Variants in CNTN4 observed in about 807,000 individuals in gnomAD.
CNTN4 encodes contactin 4.
In CNTN4, 77 loss-of-function variants were observed where a neutral mutation model predicts 122.5. That is an observed-to-expected ratio of 0.63 (90% CI 0.52 to 0.76). The LOEUF is 0.76. CNTN4 is among the 30% of genes least tolerant of loss of function. The probability of loss-of-function intolerance (pLI) is 0.00; values close to 1 mark genes in which losing one functional copy is unlikely to be tolerated. For synonymous variants in CNTN4, 512 were observed against 447.0 expected (o/e 1.15, Z -1.83); for missense variants, 1,256 against 1,259.1 (o/e 1.00, Z 0.04).
At chr3:2,309,871 T>C (rs999405721) in intron 2 of CNTN4, among the ~76,000 whole-genome samples, 10 of 152,212 alleles carry the variant, frequency 6.6e-5, no homozygotes, top group African/African-American at 2.4e-4. Context: ...AGCTCAATTC[T>C]GGCATGCTTG....
chr3:2,183,742 C>G (rs1337898383), intron 2 of CNTN4, among the ~76,000 whole-genome samples: 2 of 152,148 alleles, frequency 1.3e-5, no homozygotes, highest in Non-Finnish European at 2.9e-5. Context: ...AATGGTTATG[C>G]ACCCAAAGCC....
chr3:2,184,109 C>A lies in CNTN4; in HGVS notation c.-145+83470C>A, dbSNP rs569772639. On this transcript the variant is annotated intron_variant, in intron 2 of 24. Transcript: ENST00000418658. ...GCCTCAGCTTCCTGAGTAGCTGGGACCACTATCACACACCATCACACGTGG... is the reference window on the plus strand; with the variant it reads ...GCCTCAGCTTCCTGAGTAGCTGGGAACACTATCACACACCATCACACGTGG... 2.6e-5 allele frequency among the ~76,000 whole-genome samples: 4 copies of A among 152,080 alleles called. No individual in the cohort carries two copies. The South Asian group carries it at 8.3e-4, about 32-fold the overall frequency.
chr3:2,247,127 T>C (rs2040188086), intron 2 of CNTN4, among the ~76,000 whole-genome samples: 4 of 152,038 alleles, frequency 2.6e-5, no homozygotes, highest in Admixed American at 1.3e-4. Flanking sequence ...GAGATTTGCA[T>C]GGATGCCTTT....
At chr3:2,813,118 C>A (rs982931025) in intron 6 of CNTN4, among the ~76,000 whole-genome samples, 1 of 152,168 alleles carries the variant, frequency 6.6e-6, no homozygotes, top group Non-Finnish European at 1.5e-5. Flanking sequence ...ACACAGGGAG[C>A]AAATGGCAGA....
At chr3:2,359,433 C>T (rs1296298377) in intron 3 of CNTN4, among the ~76,000 whole-genome samples, 1 of 152,148 alleles carries the variant, frequency 6.6e-6, no homozygotes, top group Non-Finnish European at 1.5e-5. Flanking sequence ...GTTACATAAA[C>T]ATGGAGGGAT....
chr3:2,347,890 T>A (rs2044464406), intron 3 of CNTN4, among the ~76,000 whole-genome samples: 1 of 152,118 alleles, frequency 6.6e-6, no homozygotes, highest in South Asian at 2.1e-4. Flanking sequence ...TTATCATGGA[T>A]TCAGTTCCTT....
At chr3:2,360,766 G>A (rs904120712) in intron 3 of CNTN4, among the ~76,000 whole-genome samples, 2 of 152,050 alleles carry the variant, frequency 1.3e-5, no homozygotes, top group African/African-American at 4.8e-5. Flanking sequence ...GAACAGCATG[G>A]GGAAAACCAC....
chr3:2,325,751 A>C (rs1323088855), intron 2 of CNTN4, among the ~76,000 whole-genome samples: 1 of 152,230 alleles, frequency 6.6e-6, no homozygotes, highest in Non-Finnish European at 1.5e-5. Flanking sequence ...ATTTTTATTT[A>C]TATATTTTAT....
intron 2 of CNTN4, among the ~76,000 whole-genome samples, chr3:2,186,823 A>G (rs1157141159): frequency 1.3e-5 from 2 of 152,164 alleles, no homozygotes; most frequent in African/African-American, 2.4e-5. Flanking sequence ...GATTCTGGAT[A>G]TTAGCCTTTG....
chr3:2,742,282 A>G (rs963258149), intron 5 of CNTN4, among the ~76,000 whole-genome samples: 1 of 152,050 alleles, frequency 6.6e-6, no homozygotes, highest in East Asian at 1.9e-4. Context: ...CCTGCCCCTC[A>G]ATTTTGAAAG....
chr3:2,178,940 C>T lies in CNTN4; in HGVS notation c.-145+78301C>T, dbSNP rs116514947. On this transcript the variant is annotated intron_variant, in intron 2 of 24. Coordinates refer to ENST00000418658, the MANE Select transcript of CNTN4 (RefSeq NM_175607.3). Reference sequence around the variant, plus strand: ...CTGCAAATAGCAGACACAGAGCATCCTTTAGGTTGGAACTGAGTAAAGTAG... The same window carrying T: ...CTGCAAATAGCAGACACAGAGCATCTTTTAGGTTGGAACTGAGTAAAGTAG... 2.0e-3 allele frequency among the ~76,000 whole-genome samples: 299 copies of T among 152,076 alleles called. 2 individuals carry two copies. Among genetic ancestry groups the T allele is most frequent in the African/African-American group, 6.8e-3 (284 of 41,528 alleles).
chr3:2,924,624 C>A (rs1487555333), intron 12 of CNTN4, among the ~76,000 whole-genome samples: 1 of 152,122 alleles, frequency 6.6e-6, no homozygotes, highest in East Asian at 1.9e-4. Flanking sequence ...AAATAATTCT[C>A]TGATAGTATT....
At chr3:2,329,570 CA>C (rs2043630961) in intron 2 of CNTN4, among the ~76,000 whole-genome samples, 1 of 152,180 alleles carries the variant, frequency 6.6e-6, no homozygotes, top group Non-Finnish European at 1.5e-5. Flanking sequence ...ACTCAAATGG[CA>C]ATCACCAGGA....
chr3:2,689,420 T>C (rs2149175655), intron 4 of CNTN4, among the ~76,000 whole-genome samples: 1 of 152,232 alleles, frequency 6.6e-6, no homozygotes, highest in East Asian at 1.9e-4. Context: ...AGGGAGCATT[T>C]TGGCTCCATG....
chr3:2,801,354 C>T (rs1432060927), intron 6 of CNTN4, among the ~76,000 whole-genome samples: 1 of 152,214 alleles, frequency 6.6e-6, no homozygotes, highest in African/African-American at 2.4e-5. Context: ...TGTACTTCAG[C>T]TCACTCAAGC....
At chr3:2,939,459 G>A (rs1289486758) in intron 13 of CNTN4, among the ~76,000 whole-genome samples, 1 of 152,078 alleles carries the variant, frequency 6.6e-6, no homozygotes, top group Non-Finnish European at 1.5e-5. Flanking sequence ...TAATTCAGCT[G>A]TCCTTCCCAC....
At chr3:2,111,166 C>G (rs1283923828) in intron 2 of CNTN4, among the ~76,000 whole-genome samples, 2 of 152,108 alleles carry the variant, frequency 1.3e-5, no homozygotes, top group Non-Finnish European at 2.9e-5. Flanking sequence ...ATTCCCGATA[C>G]CAAAACAATT....
At chr3:2,989,703 A>T (rs1012715484) in intron 14 of CNTN4, among the ~76,000 whole-genome samples, 1 of 152,246 alleles carries the variant, frequency 6.6e-6, no homozygotes, top group African/African-American at 2.4e-5. Context: ...GAGCACTAGC[A>T]TCAGTGTATG....
rs898248577 is a variant in CNTN4 at position 2,432,756 on chromosome 3, T to C, written c.-89+93523T>C. The stretch of plus-strand genomic sequence containing the variant: ...AAGATTGCTTTCATATTTTAGCTCT[T>C]GTGAATAATGCTGCTGCAGTGAACG... On this transcript the variant is annotated intron_variant, in intron 3 of 24. Transcript: ENST00000418658. Among the ~76,000 whole-genome samples, 10 of 152,212 alleles carry C rather than the reference T, an allele frequency of 6.6e-5. No homozygotes were observed. In the East Asian group the frequency reaches 1.7e-3, roughly 26 times the overall value.
Sources: allele counts gnomAD v4.1 joint callset (sites outside exome capture counted in the v4.1 genomes callset), GRCh38; gene constraint gnomAD v4.1.1; transcripts MANE v1.5; gene names NCBI Gene and HGNC (gene_info 2026-07-23, HGNC 2026-07-21).